Variants in SPTLC2 observed in about 807,000 individuals in gnomAD.
The protein encoded by SPTLC2 is serine palmitoyltransferase long chain base subunit 2, also known as serine palmitoyltransferase 2.
Under a neutral mutation model 62.0 loss-of-function variants are expected in SPTLC2, and 21 were observed. That is an observed-to-expected ratio of 0.34 (90% confidence interval 0.24 to 0.49). SPTLC2 has a LOEUF of 0.49. Among genes scored for constraint, SPTLC2 ranks in the 20% least tolerant of loss-of-function variants. The probability of loss-of-function intolerance (pLI) is 0.99; values close to 1 mark genes in which losing one functional copy is unlikely to be tolerated. For missense variants in SPTLC2, 511 were observed against 713.0 expected (o/e 0.72, Z 3.23); for synonymous variants, 261 against 261.8 (o/e 1.00, Z 0.03).
intron 2 of SPTLC2, among the ~76,000 whole-genome samples, chr14:77,596,364 G>A (rs914982607): frequency 6.7e-5 from 10 of 148,186 alleles, no homozygotes; most frequent in African/African-American, 1.8e-4. Context: ...TTAGCCGGGC[G>A]TGGTGGCAGG....
chr14:77,515,321 G>A (rs1321300090), intron 11 of SPTLC2, among the ~76,000 whole-genome samples: 1 of 152,052 alleles, frequency 6.6e-6, no homozygotes, highest in African/African-American at 2.4e-5. Flanking sequence ...GTGGCTTAGG[G>A]TCTCCCAGTC....
chr14:77,557,393 A>G, intron 6 of SPTLC2: 1 of 505,984 alleles, frequency 2.0e-6, no homozygotes, highest in Non-Finnish European at 3.6e-6. Context: ...AACTCAGTTC[A>G]TTAGCTTCCT....
intron 5 of SPTLC2, among the ~76,000 whole-genome samples, chr14:77,567,836 T>C (rs1189846418): frequency 6.6e-6 from 1 of 152,028 alleles, no homozygotes; most frequent in Non-Finnish European, 1.5e-5. Context: ...AGCTTTACTT[T>C]TTTTTTTTAA....
rs1488958767 is a variant in SPTLC2 at position 77,506,620 on chromosome 14, C to T, written c.*5664G>A. ...GACTTAATGTTAAGGGTAAAGACAC[C>T]ACGCCACCCTAGTCAGTGACATGTA... On this transcript the variant is annotated 3_prime_UTR_variant, in exon 12 of 12. Transcript: ENST00000216484. 2 of 152,150 alleles carry T rather than the reference C, an allele frequency of 1.3e-5. No homozygotes were observed. The highest frequency in any genetic ancestry group is 4.8e-5 in the African/African-American group (2 of 41,412). The allele number at this position is 152,150 out of a possible 1,614,324, so 9.4% of individuals were successfully genotyped here. A position where few individuals can be genotyped will look rare whatever the true frequency, so the allele number is the denominator to read the frequency against.
chr14:77,578,706 C>G (rs975144022), intron 3 of SPTLC2: 13 of 384,080 alleles, frequency 3.4e-5, no homozygotes, highest in South Asian at 2.9e-4. Context: ...GGTGACAGAG[C>G]GAAACTCCAT....
chr14:77,517,504 G>T (rs1243823530), intron 11 of SPTLC2, among the ~76,000 whole-genome samples: 1 of 151,864 alleles, frequency 6.6e-6, no homozygotes, highest in Non-Finnish European at 1.5e-5. Context: ...CTGGGATATA[G>T]AATCAGTAAA....
At chr14:77,543,998 G>A (rs1364337164) in intron 9 of SPTLC2, among the ~76,000 whole-genome samples, 1 of 151,938 alleles carries the variant, frequency 6.6e-6, no homozygotes, top group Non-Finnish European at 1.5e-5. Flanking sequence ...AAAGTTAAAA[G>A]GAAAAAAAGA....
chr14:77,613,455 CTG>C (rs1225424414), intron 1 of SPTLC2, among the ~76,000 whole-genome samples: 2 of 152,338 alleles, frequency 1.3e-5, no homozygotes, highest in East Asian at 1.9e-4. Context: ...ATTGTGAAAA[CTG>C]TGTGTCTACT....
At chr14:77,523,926 T>C (rs762976059) in intron 9 of SPTLC2, among the ~76,000 whole-genome samples, 16 of 152,188 alleles carry the variant, frequency 1.1e-4, no homozygotes, top group Non-Finnish European at 2.1e-4. Context: ...ATTCCAGGCA[T>C]TCAAAGAAAC....
chr14:77,513,612 G>A (rs1001170797), intron 11 of SPTLC2, among the ~76,000 whole-genome samples: 14 of 152,124 alleles, frequency 9.2e-5, no homozygotes, highest in Admixed American at 1.3e-4. Flanking sequence ...AGTCAAAGCT[G>A]GCCGGGCGCG....
At chr14:77,512,738 T>A (rs1006357742) in intron 11 of SPTLC2, among the ~76,000 whole-genome samples, 1 of 152,220 alleles carries the variant, frequency 6.6e-6, no homozygotes, top group Non-Finnish European at 1.5e-5. Context: ...GTTTTTGAGA[T>A]GGAGTATCGC....
At chr14:77,522,306 G>GT (rs1172341971) in intron 9 of SPTLC2, among the ~76,000 whole-genome samples, 3 of 152,072 alleles carry the variant, frequency 2.0e-5, no homozygotes, top group Admixed American at 2.0e-4. Flanking sequence ...GGGGTTACGG[G>GT]TGCACATCAC....
At chr14:77,601,473 T>TC (rs1305732431) in intron 1 of SPTLC2, among the ~76,000 whole-genome samples, 1 of 152,218 alleles carries the variant, frequency 6.6e-6, no homozygotes, top group Non-Finnish European at 1.5e-5. Context: ...CTTTGCTGAC[T>TC]CCTTTTTTGG....
At chr14:77,535,851 A>T (rs1220497220) in intron 9 of SPTLC2, 2 of 399,560 alleles carry the variant, frequency 5.0e-6, no homozygotes, top group Admixed American at 6.6e-5. Context: ...ATCTAAGTCA[A>T]GTAAATAACA....
At chr14:77,608,919 A>AAATAATAAT (rs56945046) in intron 1 of SPTLC2, among the ~76,000 whole-genome samples, 5,821 of 134,514 alleles carry the variant, frequency 0.043, 139 homozygotes, top group East Asian at 0.084. Context: ...CTCCATCTCA[A>AAATAATAAT]AATAATAATA....
At chr14:77,608,253 G>C (rs563756385) in intron 1 of SPTLC2, among the ~76,000 whole-genome samples, 12 of 152,152 alleles carry the variant, frequency 7.9e-5, no homozygotes, top group Admixed American at 7.9e-4. Context: ...TTGCAAACCT[G>C]ATACACTATA....
chr14:77,592,381 C>T (rs1050092161), intron 2 of SPTLC2, among the ~76,000 whole-genome samples: 2 of 152,092 alleles, frequency 1.3e-5, no homozygotes, highest in Non-Finnish European at 2.9e-5. Flanking sequence ...GTGATCCACC[C>T]ACCTCGGCCT....
Position 77,508,933 on chromosome 14 carries a change from G to T in SPTLC2, c.*3351C>A, listed in dbSNP as rs2079318960. 2 of 152,044 alleles carry T rather than the reference G, an allele frequency of 1.3e-5. No individual in the cohort carries two copies. Among genetic ancestry groups the T allele is most frequent in the South Asian group, 4.1e-4 (2 of 4,828 alleles). The allele number at this position is 152,044 out of a possible 1,614,324, so 9.4% of individuals were successfully genotyped here. ...AATTTTAAAAATCAAGAACTTGAAG[G>T]TACAGAAAGAAAGAAAGGCCAAATA... is the stretch of plus-strand genomic sequence containing the variant. On this transcript the variant is annotated 3_prime_UTR_variant, in exon 12 of 12. Transcript: ENST00000216484.
chr14:77,557,276 A>G (rs936259429), intron 6 of SPTLC2, 130 bp from the exon 7 acceptor site: 13 of 800,430 alleles, frequency 1.6e-5, no homozygotes, highest in Admixed American at 7.3e-5. Context: ...AGAGTTGGGC[A>G]GAAAAAAGCA....
Sources: allele counts gnomAD v4.1 joint callset (sites outside exome capture counted in the v4.1 genomes callset), GRCh38; gene constraint gnomAD v4.1.1; transcripts MANE v1.5; gene names NCBI Gene and HGNC (gene_info 2026-07-23, HGNC 2026-07-21).